COL24A1: variants seen among roughly 807,000 people sequenced by gnomAD.
COL24A1 encodes collagen alpha-1(XXIV) chain.
In COL24A1, 224 loss-of-function variants were observed where a neutral mutation model predicts 253.9. That is an observed-to-expected ratio of 0.88 (90% confidence interval 0.79 to 0.99). The LOEUF is 0.99. Among genes scored for constraint, COL24A1 ranks in the 50% least tolerant of loss-of-function variants. The pLI is 0.00. For missense variants in COL24A1, 2,131 were observed against 2,068.5 expected (o/e 1.03, Z -0.59); for synonymous variants, 685 against 673.7 (o/e 1.02, Z -0.26).
intron 1 of COL24A1, 32 bp downstream of exon 1, chr1:86,156,309 C>A (rs1999747): frequency 0.68 from 1,089,838 of 1,601,686 alleles, 375,464 homozygotes; most frequent in Non-Finnish European, 0.71. Context: ...GTTGGTCTAA[C>A]CCCTACCCTA....
Position 86,017,236 on chromosome 1 carries a change from C to A in COL24A1, c.2257-32G>T, listed in dbSNP as rs371132544. ...TGGGGGGGGAGGATCAAAGTATAAA[C>A]ATAAACTTAATAAACACAATTAAAA... On this transcript the variant is annotated intron_variant, in intron 18 of 59. Transcript: ENST00000370571. The A allele has an allele frequency of 1.5e-3, 2,230 of 1,517,682 alleles. 2 individuals are homozygous for A. The highest frequency in any genetic ancestry group is 1.8e-3 in the Non-Finnish European group (2,069 of 1,134,068). 94.0% of individuals were successfully genotyped at this position (1,517,682 alleles called of 1,614,324 possible).
chr1:85,736,518 G>T (rs929747779), intron 58 of COL24A1: 1 of 455,546 alleles, frequency 2.2e-6, no homozygotes, highest in African/African-American at 2.0e-5. Context: ...GGAATGGAAG[G>T]ATCCTTCCCT....
intron 39 of COL24A1, among the ~76,000 whole-genome samples, chr1:85,845,636 T>A (rs1033126681): frequency 1.3e-5 from 2 of 151,848 alleles, no homozygotes; most frequent in Non-Finnish European, 1.5e-5. Context: ...GAGAATCATC[T>A]ACATTCGTTA....
At chr1:85,976,934 A>G (rs1309894824) in intron 20 of COL24A1, among the ~76,000 whole-genome samples, 2 of 152,208 alleles carry the variant, frequency 1.3e-5, no homozygotes, top group African/African-American at 4.8e-5. Flanking sequence ...CAGCACGTGA[A>G]ACGTATCTAC....
At chr1:85,866,301 T>C (rs759878836) in intron 37 of COL24A1, among the ~76,000 whole-genome samples, 6 of 152,218 alleles carry the variant, frequency 3.9e-5, no homozygotes, top group Non-Finnish European at 7.3e-5. Flanking sequence ...GATTATTCTT[T>C]AGTAAATAAA....
At chr1:86,009,694 G>A (rs1696318755) in intron 19 of COL24A1, among the ~76,000 whole-genome samples, 2 of 152,174 alleles carry the variant, frequency 1.3e-5, no homozygotes, top group Admixed American at 6.5e-5. Flanking sequence ...AGTAGTGAGT[G>A]AATGTGAAGG....
chr1:86,050,252 T>TACAAA, intron 10 of COL24A1, 75 bp from the exon 11 acceptor site: 2 of 1,297,008 alleles, frequency 1.5e-6, no homozygotes, highest in Non-Finnish European at 2.2e-6. Flanking sequence ...ATAGAAGTAC[T>TACAAA]TAAAATTTTA....
chr1:86,079,642 G>C (rs1571854213), intron 7 of COL24A1, among the ~76,000 whole-genome samples: 1 of 152,244 alleles, frequency 6.6e-6, no homozygotes, highest in Admixed American at 6.5e-5. Flanking sequence ...GATTTGAACA[G>C]ATATTTTTCA....
intron 35 of COL24A1, among the ~76,000 whole-genome samples, chr1:85,870,824 C>T (rs77703755): frequency 1.3e-5 from 2 of 151,656 alleles, no homozygotes; most frequent in Non-Finnish European, 1.5e-5. Flanking sequence ...AAAAGCACAC[C>T]GAAGGCAAGA....
At chr1:85,980,536 C>A (rs114145051) in intron 20 of COL24A1, among the ~76,000 whole-genome samples, 2 of 152,096 alleles carry the variant, frequency 1.3e-5, no homozygotes, top group Non-Finnish European at 2.9e-5. Flanking sequence ...ACACCAACAA[C>A]GAGCAAGCTG....
intron 32 of COL24A1, among the ~76,000 whole-genome samples, chr1:85,881,389 C>T (rs997336802): frequency 1.3e-5 from 2 of 151,694 alleles, no homozygotes; most frequent in African/African-American, 4.9e-5. Context: ...GAGGCCGAGG[C>T]GGGCCGATCA....
chr1:86,148,263 C>G (rs1211134780), intron 1 of COL24A1, among the ~76,000 whole-genome samples: 5 of 152,124 alleles, frequency 3.3e-5, no homozygotes, highest in Non-Finnish European at 7.3e-5. Context: ...CAGCTCACTG[C>G]AACCTCTGCT....
chr1:85,781,089 T>C (rs940217709), intron 52 of COL24A1, 131 bp downstream of exon 52: 1 of 632,248 alleles, frequency 1.6e-6, no homozygotes, highest in Non-Finnish European at 2.6e-6. Flanking sequence ...GGAATCATTT[T>C]CCAGAAGAAA....
At chr1:86,039,391 A>G (rs1218079185) in intron 12 of COL24A1, among the ~76,000 whole-genome samples, 2 of 152,194 alleles carry the variant, frequency 1.3e-5, no homozygotes, top group East Asian at 3.8e-4. Context: ...CAGTAAAAGC[A>G]TTATTTTCCT....
rs562919333 is a variant in COL24A1 at position 86,056,137 on chromosome 1, A to G, written c.1851+1794T>C. 2.7e-5 allele frequency among the ~76,000 whole-genome samples: 4 copies of G among 150,618 alleles called. No individual in the cohort carries two copies. In the East Asian group the frequency reaches 7.8e-4, roughly 29 times the overall value. Reference sequence around the variant, plus strand: ...TGTTTCAAAAAAAAAAAAAAAGCCTATCTAACTCCACAGCCCATGTTCTTG... The same window carrying G: ...TGTTTCAAAAAAAAAAAAAAAGCCTGTCTAACTCCACAGCCCATGTTCTTG... On this transcript the variant is annotated intron_variant, in intron 10 of 59. Transcript: ENST00000370571.
chr1:86,057,976 C>G lies in COL24A1; in HGVS notation c.1807-1G>C, dbSNP rs772356299. On this transcript the variant is annotated splice_acceptor_variant, in intron 9 of 59. Transcript: ENST00000370571. LOFTEE classifies it high-confidence loss of function. ...GATTACCTTCTGGTCCAGCTAAACC[C>G]TGGTGTAAACAAAAGACATTGTCAT... is the stretch of plus-strand genomic sequence containing the variant. 6.2e-7 allele frequency: 1 copy of G among 1,612,276 alleles called. No homozygotes were observed. The highest frequency in any genetic ancestry group is 8.5e-7 in the Non-Finnish European group (1 of 1,179,016).
intron 24 of COL24A1, among the ~76,000 whole-genome samples, chr1:85,955,541 C>T (rs1690358358): frequency 6.6e-6 from 1 of 152,222 alleles, no homozygotes; most frequent in Non-Finnish European, 1.5e-5. Context: ...CTAGATGCTG[C>T]CGTGGGATTG....
chr1:86,008,129 G>GA (rs1184552943), intron 19 of COL24A1, among the ~76,000 whole-genome samples: 2 of 151,866 alleles, frequency 1.3e-5, no homozygotes, highest in African/African-American at 4.8e-5. Flanking sequence ...GATCCAAACA[G>GA]AAAAAATACA....
intron 1 of COL24A1, 62 bp downstream of exon 1, chr1:86,156,279 A>G (rs1007282128): frequency 2.2e-5 from 34 of 1,511,522 alleles, no homozygotes; most frequent in Non-Finnish European, 3.1e-5. Context: ...GCTCAGCAGA[A>G]CCAGGGGGTG....
Sources: allele counts gnomAD v4.1 joint callset (sites outside exome capture counted in the v4.1 genomes callset), GRCh38; gene constraint gnomAD v4.1.1; transcripts MANE v1.5; gene names NCBI Gene and HGNC (gene_info 2026-07-23, HGNC 2026-07-21).